Variants in CLPTM1 observed in about 807,000 individuals in gnomAD.
CLPTM1 encodes the protein putative lipid scramblase CLPTM1.
Under a neutral mutation model 77.3 loss-of-function variants are expected in CLPTM1, and 21 were observed. The ratio of observed to expected loss-of-function variants is 0.27; its 90% CI spans 0.19 to 0.39. The LOEUF is 0.39. Among genes scored for constraint, CLPTM1 ranks in the 10% least tolerant of loss-of-function variants. The pLI is 1.00. For synonymous variants in CLPTM1, 373 were observed against 381.0 expected, an observed-to-expected ratio of 0.98 and a Z score of 0.24; for missense variants, 642 against 921.2, an observed-to-expected ratio of 0.70 and a Z score of 3.92.
chr19:44,989,276 T>C (rs746911197), intron 9 of CLPTM1, among the ~76,000 whole-genome samples: 3 of 152,230 alleles, frequency 2.0e-5, no homozygotes, highest in Non-Finnish European at 4.4e-5. Context: ...CAGCTGTCGC[T>C]GGGAGACGGG....
chr19:44,988,009 G>A, intron 8 of CLPTM1, 71 bp from the exon 9 acceptor site: 1 of 1,207,408 alleles, frequency 8.3e-7, no homozygotes, highest in Non-Finnish European at 1.2e-6. Context: ...CCCAGGGGCA[G>A]CCCTCGGGAC....
intron 1 of CLPTM1, among the ~76,000 whole-genome samples, chr19:44,956,031 A>G (rs1019281837): frequency 2.0e-5 from 3 of 152,098 alleles, no homozygotes; most frequent in African/African-American, 7.2e-5. Context: ...AGGGACTGGT[A>G]TGGTTGTGGT....
intron 5 of CLPTM1, among the ~76,000 whole-genome samples, chr19:44,982,947 G>C (rs890567043): frequency 2.0e-5 from 3 of 151,806 alleles, no homozygotes; most frequent in Admixed American, 2.0e-4. Flanking sequence ...TGTAATCCCG[G>C]CTACTCGGGA....
chr19:44,964,453 G>A (rs1421445898), intron 2 of CLPTM1, among the ~76,000 whole-genome samples: 1 of 151,636 alleles, frequency 6.6e-6, no homozygotes, highest in Non-Finnish European at 1.5e-5. Context: ...TGGGACTACA[G>A]GCACCTGCCA....
intron 5 of CLPTM1, among the ~76,000 whole-genome samples, chr19:44,979,910 T>C (rs1970867725): frequency 6.6e-6 from 1 of 152,152 alleles, no homozygotes; most frequent in Non-Finnish European, 1.5e-5. Context: ...GGTGGGTGGC[T>C]CTTCACCCTA....
At position 44,992,844 on chromosome 19, in the gene CLPTM1, A is replaced by G. The variant is rs766244119; in HGVS notation, c.1957A>G (p.Ser653Gly). Residue 653 changes from serine (S) to glycine (G), a missense_variant, in exon 14 of 14, where the codon AGC becomes GGC. By Grantham distance (56) the Ser-to-Gly change is moderately conservative (BLOSUM62 0). Transcript: ENST00000337392. The surrounding 1 kb of genome is among the most constrained non-coding windows in gnomAD (Gnocchi z 7.7). The stretch of plus-strand genomic sequence containing the variant: ...GCCCACCCAGGGGGCCAGCTCTGCC[A>G]GCGAGCCCCAGGAAGCCCCTCCAAA... ...TKPTQGASSA[S>G]EPQEAPPKPA... 6.2e-7 allele frequency: 1 copy of G among 1,613,722 alleles called. No individual in the cohort carries two copies.
intron 6 of CLPTM1, among the ~76,000 whole-genome samples, chr19:44,986,008 A>T (rs957840767): frequency 6.6e-6 from 1 of 152,080 alleles, no homozygotes; most frequent in African/African-American, 2.4e-5. Context: ...CTCTAAGCCT[A>T]GGGAGGAGAG....
chr19:44,974,800 G>A (rs1221540301), intron 4 of CLPTM1, among the ~76,000 whole-genome samples: 2 of 152,154 alleles, frequency 1.3e-5, no homozygotes, highest in Non-Finnish European at 2.9e-5. Flanking sequence ...GGTAGATAGG[G>A]GTGGAATTGG....
Position 44,987,143 on chromosome 19 carries a change from C to G in CLPTM1, c.794-36C>G, listed in dbSNP as rs751536373. ...GCCTGCGGGTACCCTGGCCTCCTGC[C>G]CGGGCCAAATGGTGCCCCTGCCCCA... is the stretch of plus-strand genomic sequence containing the variant. On this transcript the variant is annotated intron_variant, in intron 7 of 13. Transcript: ENST00000337392. The G allele has an allele frequency of 1.3e-5, 21 of 1,587,228 alleles. No homozygotes were observed. The East Asian group carries it at 4.7e-4, about 36-fold the overall frequency.
Position 44,957,792 on chromosome 19 carries a change from G to A in CLPTM1, c.72+2325G>A, listed in dbSNP as rs569857975. Reference sequence around the variant, plus strand: ...AGCCTGCTCCTGTAGCCAGGAACTCGGACACAGAACCCACAGCTTTGCCAT... The same window carrying A: ...AGCCTGCTCCTGTAGCCAGGAACTCAGACACAGAACCCACAGCTTTGCCAT... On this transcript the variant is annotated intron_variant, in intron 1 of 13. Coordinates refer to ENST00000337392, the MANE Select transcript of CLPTM1 (RefSeq NM_001294.4). Among the ~76,000 whole-genome samples, 63 of 152,308 alleles carry A rather than the reference G, an allele frequency of 4.1e-4. 1 individual carries two copies. The highest frequency in any genetic ancestry group is 3.4e-3 in the Middle Eastern group (1 of 294).
At position 44,992,653 on chromosome 19, in the gene CLPTM1, G is replaced by T. The variant is rs753795148; in HGVS notation, c.1766G>T (p.Arg589Leu). 4 of 1,613,764 alleles carry T rather than the reference G, an allele frequency of 2.5e-6. No individual in the cohort carries two copies. The highest frequency in any genetic ancestry group is 3.4e-6 in the Non-Finnish European group (4 of 1,179,940). ...TACCTCTACCAACGGTGGATCTACC[G>T]CGTCGACCCCACCCGAGTCAACGAG... ...FIYLYQRWIYRVDPTRVNEFG... is the reference protein window; with the variant it reads ...FIYLYQRWIYLVDPTRVNEFG... Residue 589 changes from arginine (R) to leucine (L), a missense_variant, in exon 14 of 14, where the codon CGC becomes CTC. Arg to Leu is a moderately radical substitution (Grantham distance 102, BLOSUM62 -2). Around this residue, in one of 2 missense-constraint regions of CLPTM1, gnomAD observed 521 missense variants for 800.4 expected, o/e 0.65. Transcript: ENST00000337392. The surrounding 1 kb of genome is among the most constrained non-coding windows in gnomAD (Gnocchi z 7.7).
At position 44,990,187 on chromosome 19, in the gene CLPTM1, T is replaced by A; in HGVS notation, c.1133-208T>A. On this transcript the variant is annotated intron_variant, in intron 9 of 13. Coordinates refer to ENST00000337392, the MANE Select transcript of CLPTM1 (RefSeq NM_001294.4). The surrounding 1 kb of genome is among the most constrained non-coding windows in gnomAD (Gnocchi z 4.8). ...GGGTGCTGACGTCCTATGGGAGGGCTCCAGGGGTGCCGCCTGTCTGGTGCT... is the reference window on the plus strand; with the variant it reads ...GGGTGCTGACGTCCTATGGGAGGGCACCAGGGGTGCCGCCTGTCTGGTGCT... The A allele has an allele frequency of 5.1e-6, 3 of 584,676 alleles. No individual in the cohort carries two copies. The highest frequency in any genetic ancestry group is 2.8e-5 in the East Asian group (1 of 35,558). 36.2% of individuals were successfully genotyped at this position (584,676 alleles called of 1,614,324 possible).
chr19:44,993,030 G>A lies in CLPTM1; in HGVS notation c.*133G>A. ...GCGGTGGGAGGCCCGCCTCAGGTCA[G>A]GGCCCAGCGTGTGATGTAGGGGCCG... On this transcript the variant is annotated 3_prime_UTR_variant, in exon 14 of 14. Coordinates refer to ENST00000337392, the MANE Select transcript of CLPTM1 (RefSeq NM_001294.4). 1 of 1,168,024 alleles carries A rather than the reference G, an allele frequency of 8.6e-7. No homozygotes were observed. The highest frequency in any genetic ancestry group is 1.2e-6 in the Non-Finnish European group (1 of 807,284). 72.4% of individuals were successfully genotyped at this position (1,168,024 alleles called of 1,614,324 possible). A position where few individuals can be genotyped will look rare whatever the true frequency, so the allele number is the denominator to read the frequency against.
intron 2 of CLPTM1, among the ~76,000 whole-genome samples, chr19:44,970,767 G>C (rs1488369607): frequency 1.4e-5 from 2 of 143,960 alleles, no homozygotes; most frequent in Non-Finnish European, 3.0e-5. Flanking sequence ...AGCTTATAGG[G>C]CTCCTTTACT....
chr19:44,992,269 A>G lies in CLPTM1; in HGVS notation c.1592A>G (p.Tyr531Cys). ...ITMTPQLFIN[Y>C]KLKSVAHLPW... Reference sequence around the variant, plus strand: ...ATGACGCCCCAGCTCTTCATCAACTACAAGCTCAAGTCTGTGGCCCACCTT... The same window carrying G: ...ATGACGCCCCAGCTCTTCATCAACTGCAAGCTCAAGTCTGTGGCCCACCTT... Residue 531 changes from tyrosine (Y) to cysteine (C), a missense_variant, in exon 13 of 14, where the codon TAC becomes TGC. By Grantham distance (194) the Tyr-to-Cys change is radical. Transcript: ENST00000337392. The surrounding 1 kb of genome is among the most constrained non-coding windows in gnomAD (Gnocchi z 7.7). 6.2e-7 allele frequency: 1 copy of G among 1,614,012 alleles called. No homozygotes were observed. Among genetic ancestry groups the G allele is most frequent in the Non-Finnish European group, 8.5e-7 (1 of 1,179,948 alleles).
At chr19:44,977,501 G>A (rs564222119) in intron 5 of CLPTM1, 41 bp downstream of exon 5, 65 of 1,459,680 alleles carry the variant, frequency 4.5e-5, no homozygotes, top group Non-Finnish European at 6.2e-5. Flanking sequence ...TGTCCAGGAG[G>A]CCAGCATCCT....
At chr19:44,955,015 A>G (rs569233062), upstream of CLPTM1, 5 of 1,535,664 alleles carry the variant, frequency 3.3e-6, no homozygotes, top group African/African-American at 5.5e-5. Context: ...GAAACATGGA[A>G]CGAAAAGGAC....
intron 9 of CLPTM1, among the ~76,000 whole-genome samples, chr19:44,988,833 G>A (rs1971023672): frequency 6.6e-6 from 1 of 152,206 alleles, no homozygotes; most frequent in Admixed American, 6.5e-5. Flanking sequence ...GTGGCCTGCG[G>A]CCCTGTAGCT....
At chr19:44,987,929 T>TCC (rs2122328422) in intron 8 of CLPTM1, 151 bp from the exon 9 acceptor site, 2 of 680,852 alleles carry the variant, frequency 2.9e-6, no homozygotes, top group African/African-American at 3.5e-5. Flanking sequence ...CTCCTCTCTC[T>TCC]CCCCATCTGC....
Sources: allele counts gnomAD v4.1 joint callset (sites outside exome capture counted in the v4.1 genomes callset), GRCh38; gene constraint gnomAD v4.1.1; regional missense constraint gnomAD v4.1.1; non-coding constraint Gnocchi (gnomAD v3.1); transcripts MANE v1.5; gene names NCBI Gene and HGNC (gene_info 2026-07-23, HGNC 2026-07-21).